The following NTRK2 variants were observed in gnomAD, a reference collection of about 807,000 sequenced individuals.
The protein encoded by NTRK2 is neurotrophic receptor tyrosine kinase 2, also known as BDNF/NT-3 growth factors receptor.
In NTRK2, 13 loss-of-function variants were observed where a neutral mutation model predicts 94.5. The observed-to-expected ratio is 0.14, with a 90% CI of 0.09 to 0.22. The LOEUF is 0.22. NTRK2 is among the 10% of genes least tolerant of loss of function. The pLI is 1.00. For synonymous variants in NTRK2, 372 were observed against 407.4 expected (o/e 0.91, Z 1.05); for missense variants, 639 against 1,071.2 (o/e 0.60, Z 5.63).
At chr9:84,745,126 C>A in intron 11 of NTRK2, 53 bp downstream of exon 11, 1 of 1,215,488 alleles carries the variant, frequency 8.2e-7, no homozygotes, top group Non-Finnish European at 1.2e-6. Context: ...TGGATGCCTC[C>A]ATGTTAGAGG....
At chr9:84,832,461 A>T (rs1369871657) in intron 12 of NTRK2, among the ~76,000 whole-genome samples, 4 of 152,200 alleles carry the variant, frequency 2.6e-5, no homozygotes, top group Middle Eastern at 3.2e-3. Flanking sequence ...TGGGAAGCTG[A>T]CATTTCTGCT....
chr9:84,870,097 C>CTGTA (rs2075773170), intron 14 of NTRK2, among the ~76,000 whole-genome samples: 1 of 99,698 alleles, frequency 1.0e-5, no homozygotes, highest in Admixed American at 1.1e-4. Context: ...TTCCCATTGA[C>CTGTA]TATATATATA....
At chr9:84,872,597 T>C (rs866850140) in intron 14 of NTRK2, 3 of 1,064,418 alleles carry the variant, frequency 2.8e-6, no homozygotes, top group Non-Finnish European at 1.1e-6. Flanking sequence ...ATGTAAAGTA[T>C]TCTGACTTTT....
chr9:84,811,263 G>A (rs553057343), intron 12 of NTRK2: 9 of 1,064,768 alleles, frequency 8.5e-6, no homozygotes, highest in East Asian at 5.0e-5. Context: ...TTGTCTTAAA[G>A]TTCCTTAGCC....
intron 17 of NTRK2, among the ~76,000 whole-genome samples, chr9:84,978,185 C>T (rs1163461238): frequency 6.6e-6 from 1 of 152,136 alleles, no homozygotes; most frequent in East Asian, 1.9e-4. Flanking sequence ...AAAGATTAAA[C>T]TTAGTAAGGA....
At chr9:84,730,758 AAACTAAAG>A (rs1304383433) in intron 9 of NTRK2, among the ~76,000 whole-genome samples, 8 of 126,808 alleles carry the variant, frequency 6.3e-5, no homozygotes, top group Non-Finnish European at 1.1e-4. Context: ...AAAAAAAAAA[AAACTAAAG>A]AAAAATAAAC....
At chr9:84,899,674 G>A (rs1394823983) in intron 14 of NTRK2, among the ~76,000 whole-genome samples, 2 of 152,214 alleles carry the variant, frequency 1.3e-5, no homozygotes, top group African/African-American at 4.8e-5. Flanking sequence ...TGAAAATTGT[G>A]TTTCCTGTTC....
intron 14 of NTRK2, among the ~76,000 whole-genome samples, chr9:84,926,410 T>G (rs924271786): frequency 6.6e-6 from 1 of 152,002 alleles, no homozygotes; most frequent in East Asian, 1.9e-4. Context: ...TTTTGAATTT[T>G]TAATAGAGAC....
chr9:84,818,891 G>A (rs956996155), intron 12 of NTRK2, among the ~76,000 whole-genome samples: 1 of 152,138 alleles, frequency 6.6e-6, no homozygotes, highest in Non-Finnish European at 1.5e-5. Context: ...CTTGCCTTTC[G>A]AACACCCACA....
intron 17 of NTRK2, among the ~76,000 whole-genome samples, chr9:84,961,782 G>C (rs1393693243): frequency 6.6e-6 from 1 of 152,196 alleles, no homozygotes; most frequent in Middle Eastern, 3.2e-3. Context: ...TACAAAATGG[G>C]AACCCAAAAG....
At chr9:84,854,926 A>T (rs987877755) in intron 12 of NTRK2, among the ~76,000 whole-genome samples, 1 of 127,580 alleles carries the variant, frequency 7.8e-6, no homozygotes, top group African/African-American at 3.0e-5. Context: ...CAGCCTGGCC[A>T]ACAGAGCGAG....
chr9:84,831,333 T>C (rs2073531980), intron 12 of NTRK2, among the ~76,000 whole-genome samples: 1 of 152,206 alleles, frequency 6.6e-6, no homozygotes, highest in Admixed American at 6.5e-5. Context: ...TTGTTAACAT[T>C]GTTTTGCTAA....
At chr9:85,003,457 A>G (rs557638052) in intron 17 of NTRK2, among the ~76,000 whole-genome samples, 2 of 152,316 alleles carry the variant, frequency 1.3e-5, no homozygotes, top group South Asian at 2.1e-4. Context: ...TCTAAGTGCA[A>G]TAAAGAAGGA....
chr9:84,834,565 AT>A (rs2073759587), intron 12 of NTRK2, among the ~76,000 whole-genome samples: 1 of 152,132 alleles, frequency 6.6e-6, no homozygotes, highest in Non-Finnish European at 1.5e-5. Flanking sequence ...CCCTAGAAGC[AT>A]TGTTCTAGTC....
At chr9:84,956,574 G>T (rs1824159472) in intron 17 of NTRK2, among the ~76,000 whole-genome samples, 1 of 152,156 alleles carries the variant, frequency 6.6e-6, no homozygotes, top group Non-Finnish European at 1.5e-5. Flanking sequence ...GGAAGGAAGG[G>T]AATAAATGTG....
chr9:84,953,512 G>A (rs924403755), intron 16 of NTRK2, among the ~76,000 whole-genome samples: 2 of 152,182 alleles, frequency 1.3e-5, no homozygotes, highest in African/African-American at 2.4e-5. Flanking sequence ...CACATATCCC[G>A]GAGCTTTGGC....
At position 84,991,554 on chromosome 9, in the gene NTRK2, C is replaced by A. The variant is rs1829070526; in HGVS notation, c.2173-28652C>A. On this transcript the variant is annotated intron_variant, in intron 17 of 18. Coordinates refer to ENST00000277120, the MANE Select transcript of NTRK2 (RefSeq NM_006180.6). ...CCCCAAACCATTTTTCTCCCTCTCC[C>A]TTCCCTTTGAGCCCTTCTTCTTTGG... Among the ~76,000 whole-genome samples, 5 of 152,222 alleles carry A rather than the reference C, an allele frequency of 3.3e-5. No individual in the cohort carries two copies. In the South Asian group the frequency reaches 1.0e-3, roughly 32 times the overall value.
At chr9:84,973,350 A>G (rs1826413505) in intron 17 of NTRK2, among the ~76,000 whole-genome samples, 1 of 152,162 alleles carries the variant, frequency 6.6e-6, no homozygotes. Flanking sequence ...CAGAGAGAAC[A>G]TTCACCCAAG....
At chr9:84,868,859 G>A in intron 14 of NTRK2, among the ~76,000 whole-genome samples, 1 of 152,120 alleles carries the variant, frequency 6.6e-6, no homozygotes, top group East Asian at 1.9e-4. Flanking sequence ...CTTTGACATT[G>A]ACACCTCAGT....
Sources: allele counts gnomAD v4.1 joint callset (sites outside exome capture counted in the v4.1 genomes callset), GRCh38; gene constraint gnomAD v4.1.1; transcripts MANE v1.5; gene names NCBI Gene and HGNC (gene_info 2026-07-23, HGNC 2026-07-21).